Variants in QSER1 observed in about 807,000 individuals in gnomAD.
QSER1 encodes glutamine and serine-rich protein 1.
A neutral mutation model predicts 158.5 loss-of-function variants in QSER1; 49 were observed. The observed-to-expected ratio is 0.31, with a 90% CI of 0.25 to 0.39. The LOEUF (loss-of-function observed/expected upper bound fraction) is 0.39. Among genes scored for constraint, QSER1 ranks in the 10% least tolerant of loss-of-function variants. The pLI is 1.00. For synonymous variants in QSER1, 650 were observed against 715.5 expected, an observed-to-expected ratio of 0.91 and a Z score of 1.46; for missense variants, 1,754 against 2,010.3, an observed-to-expected ratio of 0.87 and a Z score of 2.44.
In QSER1 at chr11:32,893,578, G is replaced by C. The variant is rs985827828; in HGVS notation, c.209+244G>C. On this transcript the variant is annotated intron_variant, in intron 1 of 12. Coordinates refer to ENST00000650167, the MANE Select transcript of QSER1 (RefSeq NM_001076786.3). This position sits in a 1 kb window ranked among gnomAD's most constrained non-coding sequence, Gnocchi z 4.7. Reference sequence around the variant, plus strand: ...GAAGGAATAGCTGGGCGGGAGTCGTGGGGCTCCGTCACCTCTTGGGTCCTG... The same window carrying C: ...GAAGGAATAGCTGGGCGGGAGTCGTCGGGCTCCGTCACCTCTTGGGTCCTG... Among the ~76,000 whole-genome samples, 3 of 152,168 alleles carry C rather than the reference G, an allele frequency of 2.0e-5. No homozygotes were observed. The highest frequency in any genetic ancestry group is 2.9e-5 in the Non-Finnish European group (2 of 68,026).
At chr11:32,923,978 C>T (rs1851933728) in intron 1 of QSER1, among the ~76,000 whole-genome samples, 1 of 151,974 alleles carries the variant, frequency 6.6e-6, no homozygotes, top group South Asian at 2.1e-4. Flanking sequence ...TTTAAAAAAG[C>T]CCTAGAAAAG....
chr11:32,964,739 T>TACACACACACACACAC (rs1176492165), intron 8 of QSER1, among the ~76,000 whole-genome samples: 4 of 100,756 alleles, frequency 4.0e-5, no homozygotes, highest in African/African-American at 4.1e-5. Flanking sequence ...TATATATATA[T>TACACACACACACACAC]ACACACACAC....
At chr11:32,924,975 T>G (rs1414291109) in intron 1 of QSER1, among the ~76,000 whole-genome samples, 1 of 152,076 alleles carries the variant, frequency 6.6e-6, no homozygotes, top group African/African-American at 2.4e-5. Context: ...TGAGAACATG[T>G]GGTATTTGGT....
intron 4 of QSER1, among the ~76,000 whole-genome samples, chr11:32,946,206 T>C (rs951538826): frequency 6.6e-6 from 1 of 152,034 alleles, no homozygotes; most frequent in Non-Finnish European, 1.5e-5. Context: ...CTCAGAGTAA[T>C]TTGATCGTCT....
At chr11:32,910,788 A>T (rs1416062147) in intron 1 of QSER1, among the ~76,000 whole-genome samples, 1 of 152,228 alleles carries the variant, frequency 6.6e-6, no homozygotes, top group African/African-American at 2.4e-5. Context: ...GATCTAGGCC[A>T]TAAATTAGGA....
chr11:32,908,660 G>A (rs949322092), intron 1 of QSER1, among the ~76,000 whole-genome samples: 3 of 152,098 alleles, frequency 2.0e-5, no homozygotes, highest in South Asian at 2.1e-4. Context: ...TTGTTTATCC[G>A]AACTCTTTTG....
At chr11:32,898,482 T>TCACACACACA (rs71034630) in intron 1 of QSER1, among the ~76,000 whole-genome samples, 321 of 143,046 alleles carry the variant, frequency 2.2e-3, no homozygotes, top group South Asian at 3.8e-3. Flanking sequence ...TGAGAACCTG[T>TCACACACACA]CACACACACA....
chr11:32,937,311 G>A (rs1055985121), intron 4 of QSER1, among the ~76,000 whole-genome samples: 1 of 152,014 alleles, frequency 6.6e-6, no homozygotes, highest in Non-Finnish European at 1.5e-5. Context: ...AAGAGACAGA[G>A]TCTTGCTCTG....
intron 1 of QSER1, among the ~76,000 whole-genome samples, chr11:32,926,512 G>C (rs1350545132): frequency 6.6e-6 from 1 of 152,108 alleles, no homozygotes; most frequent in African/African-American, 2.4e-5. Flanking sequence ...TGAATCTTAA[G>C]GGACAGGTAT....
At chr11:32,903,668 G>A (rs1217874764) in intron 1 of QSER1, among the ~76,000 whole-genome samples, 4 of 151,924 alleles carry the variant, frequency 2.6e-5, no homozygotes, top group South Asian at 4.2e-4. Flanking sequence ...GTACAGTGGC[G>A]CGATCTCAGC....
In QSER1 at chr11:32,976,548, T is replaced by C. The variant is rs1852981823; in HGVS notation, c.*74T>C. 1.3e-6 allele frequency: 2 copies of C among 1,502,732 alleles called. No homozygotes were observed. Among genetic ancestry groups the C allele is most frequent in the South Asian group, 2.4e-5 (2 of 83,048 alleles). The allele number at this position is 1,502,732 out of a possible 1,614,324, so 93.1% of individuals were successfully genotyped here. A position where few individuals can be genotyped will look rare whatever the true frequency, so the allele number is the denominator to read the frequency against. ...TATGGGGTGGTCAAAGATAATCAGA[T>C]GTCAAGTAGTGGCCTTCTGCAGGCC... On this transcript the variant is annotated 3_prime_UTR_variant, in exon 13 of 13. Transcript: ENST00000650167.
chr11:32,979,212 T>G lies in QSER1; in HGVS notation c.*2738T>G, dbSNP rs920461625. ...CCTAGCTGGTTAGCATTTACATTCC[T>G]TGCCAGGGAGTTTGAAATTTATACT... On this transcript the variant is annotated 3_prime_UTR_variant, in exon 13 of 13. Transcript: ENST00000650167. 3.3e-5 allele frequency: 5 copies of G among 152,654 alleles called. No homozygotes were observed. Among genetic ancestry groups the G allele is most frequent in the Non-Finnish European group, 5.9e-5 (4 of 68,028 alleles). 9.5% of individuals were successfully genotyped at this position (152,654 alleles called of 1,614,324 possible). A position where few individuals can be genotyped will look rare whatever the true frequency, so the allele number is the denominator to read the frequency against.
chr11:32,899,564 A>G (rs1427579768), intron 1 of QSER1, among the ~76,000 whole-genome samples: 3 of 152,214 alleles, frequency 2.0e-5, no homozygotes, highest in Admixed American at 1.3e-4. Flanking sequence ...TGAAAGCTTG[A>G]GAAATCAAGT....
At chr11:32,923,757 C>G (rs997087715) in intron 1 of QSER1, among the ~76,000 whole-genome samples, 3 of 151,858 alleles carry the variant, frequency 2.0e-5, no homozygotes, top group Non-Finnish European at 4.4e-5. Flanking sequence ...ATCACGAGAT[C>G]AGAAGATCAA....
intron 4 of QSER1, among the ~76,000 whole-genome samples, chr11:32,945,367 G>A (rs1323902775): frequency 6.6e-6 from 1 of 151,760 alleles, no homozygotes; most frequent in Non-Finnish European, 1.5e-5. Context: ...TTTTGCAGCG[G>A]CTGGTACCGG....
intron 1 of QSER1, among the ~76,000 whole-genome samples, chr11:32,914,916 T>TTTG (rs993732363): frequency 2.0e-5 from 3 of 152,122 alleles, no homozygotes; most frequent in Non-Finnish European, 4.4e-5. Flanking sequence ...TGTTTCAATT[T>TTTG]TTGTTGTTGT....
At chr11:32,916,207 A>G (rs1378124432) in intron 1 of QSER1, among the ~76,000 whole-genome samples, 2 of 152,162 alleles carry the variant, frequency 1.3e-5, no homozygotes, top group Non-Finnish European at 2.9e-5. Context: ...GGCTGGATGA[A>G]TATAATTTTT....
At chr11:32,921,144 A>G (rs1212272855) in intron 1 of QSER1, among the ~76,000 whole-genome samples, 1 of 152,262 alleles carries the variant, frequency 6.6e-6, no homozygotes, top group Non-Finnish European at 1.5e-5. Flanking sequence ...GTATATCCAT[A>G]CAATGGAATA....
In QSER1 at chr11:32,955,975, T is replaced by G; in HGVS notation, c.4618-13T>G. 6.3e-7 allele frequency: 1 copy of G among 1,596,306 alleles called. No individual in the cohort carries two copies. Among genetic ancestry groups the G allele is most frequent in the Non-Finnish European group, 8.5e-7 (1 of 1,169,642 alleles). ...TTGTTCAATTATGTAACTCAAAGTGTTTCCTTCCTCAGTATCTTGGATATT... is the reference window on the plus strand; with the variant it reads ...TTGTTCAATTATGTAACTCAAAGTGGTTCCTTCCTCAGTATCTTGGATATT... On this transcript the variant is annotated splice_polypyrimidine_tract_variant and intron_variant, in intron 6 of 12. Coordinates refer to ENST00000650167, the MANE Select transcript of QSER1 (RefSeq NM_001076786.3).
Sources: gnomAD v4.1 joint callset for allele counts (sites outside exome capture counted in the v4.1 genomes callset) on GRCh38, gnomAD v4.1.1 for gene constraint, Gnocchi (gnomAD v3.1) non-coding constraint, MANE v1.5 for transcripts, NCBI Gene and HGNC (gene_info 2026-07-23, HGNC 2026-07-21) for gene names.